The following FRMD4A variants were observed in gnomAD, a reference collection of about 807,000 sequenced individuals.
The protein encoded by FRMD4A is FERM domain-containing protein 4A.
In FRMD4A, 29 loss-of-function variants were observed where a neutral mutation model predicts 129.1. The ratio of observed to expected loss-of-function variants is 0.22; its 90% CI spans 0.17 to 0.31. The LOEUF is 0.31. Among genes scored for constraint, FRMD4A ranks in the 10% least tolerant of loss-of-function variants. FRMD4A has a pLI of 1.00. For synonymous variants in FRMD4A, 634 were observed against 571.6 expected, an observed-to-expected ratio of 1.11 and a Z score of -1.56; for missense variants, 1,272 against 1,375.8, an observed-to-expected ratio of 0.92 and a Z score of 1.19.
At chr10:14,294,311 A>C (rs1589275426) in intron 2 of FRMD4A, among the ~76,000 whole-genome samples, 1 of 152,366 alleles carries the variant, frequency 6.6e-6, no homozygotes, top group East Asian at 1.9e-4. Flanking sequence ...GTTAAAACTC[A>C]AGGTCTCACA....
At chr10:14,179,053 A>T (rs1271200845) in intron 2 of FRMD4A, among the ~76,000 whole-genome samples, 1 of 152,288 alleles carries the variant, frequency 6.6e-6, no homozygotes, top group East Asian at 1.9e-4. Context: ...CTAGACTAGG[A>T]GCACTTGTAA....
At chr10:14,174,534 G>GTTCGTTCATTCA (rs1554776897) in intron 2 of FRMD4A, among the ~76,000 whole-genome samples, 12 of 150,514 alleles carry the variant, frequency 8.0e-5, no homozygotes, top group Admixed American at 2.0e-4. Flanking sequence ...GCGTTTGTTC[G>GTTCGTTCATTCA]TTCATTCATT....
intron 2 of FRMD4A, among the ~76,000 whole-genome samples, chr10:14,093,152 T>G (rs1487554088): frequency 6.6e-6 from 1 of 151,926 alleles, no homozygotes; most frequent in African/African-American, 2.4e-5. Flanking sequence ...CCCAGCAAGG[T>G]GGGTATTTGC....
intron 12 of FRMD4A, among the ~76,000 whole-genome samples, chr10:13,736,727 C>T (rs116871460): frequency 0.012 from 1,860 of 152,290 alleles, 65 homozygotes; most frequent in South Asian, 0.1. Flanking sequence ...CCCAATATTG[C>T]TTTCTCTCTG....
At chr10:14,266,866 G>A (rs1431194827) in intron 2 of FRMD4A, among the ~76,000 whole-genome samples, 1 of 152,166 alleles carries the variant, frequency 6.6e-6, no homozygotes, top group Non-Finnish European at 1.5e-5. Flanking sequence ...AAAATACATA[G>A]AGTAGTCAAT....
At chr10:13,831,568 C>T (rs2093790930) in intron 3 of FRMD4A, among the ~76,000 whole-genome samples, 1 of 152,230 alleles carries the variant, frequency 6.6e-6, no homozygotes, top group Non-Finnish European at 1.5e-5. Context: ...CCAGTAGCTT[C>T]ACTTCCCAGA....
intron 2 of FRMD4A, among the ~76,000 whole-genome samples, chr10:14,013,643 C>T (rs980137268): frequency 7.2e-5 from 11 of 152,150 alleles, no homozygotes; most frequent in Non-Finnish European, 1.5e-5. Flanking sequence ...AAAACCATGG[C>T]CAGCCCAGCC....
chr10:14,309,284 TA>T (rs907390897), intron 2 of FRMD4A, among the ~76,000 whole-genome samples: 1 of 152,074 alleles, frequency 6.6e-6, no homozygotes, highest in African/African-American at 2.4e-5. Flanking sequence ...ACCTCATCTC[TA>T]AAAAAATTTT....
chr10:13,693,663 G>T, intron 15 of FRMD4A: 1 of 645,946 alleles, frequency 1.5e-6, no homozygotes, highest in Non-Finnish European at 2.7e-6. Flanking sequence ...AGGCCTTCTT[G>T]CACTGCGTGG....
At chr10:14,134,248 AATGGATGGATGG>A (rs60021621) in intron 2 of FRMD4A, among the ~76,000 whole-genome samples, 68 of 149,786 alleles carry the variant, frequency 4.5e-4, no homozygotes, top group African/African-American at 1.5e-3. Flanking sequence ...AATTGGAAAG[AATGGATGGATGG>A]ATGGATGGAT....
chr10:14,246,157 A>G (rs1364042151), intron 2 of FRMD4A, among the ~76,000 whole-genome samples: 1 of 152,194 alleles, frequency 6.6e-6, no homozygotes, highest in Non-Finnish European at 1.5e-5. Flanking sequence ...CTCCATGTCA[A>G]TGCTTGGTTT....
intron 5 of FRMD4A, among the ~76,000 whole-genome samples, chr10:13,794,631 G>A (rs1051690741): frequency 5.3e-5 from 8 of 152,144 alleles, no homozygotes; most frequent in African/African-American, 1.9e-4. Context: ...GCTTCCATAG[G>A]AGCTGGAGAA....
At chr10:14,029,115 G>T (rs942991242) in intron 2 of FRMD4A, among the ~76,000 whole-genome samples, 1 of 152,196 alleles carries the variant, frequency 6.6e-6, no homozygotes, top group African/African-American at 2.4e-5. Context: ...ACACTTGTGG[G>T]TATGTTTTTA....
intron 3 of FRMD4A, among the ~76,000 whole-genome samples, chr10:13,816,944 A>G (rs1411221513): frequency 2.0e-5 from 3 of 152,260 alleles, no homozygotes; most frequent in Non-Finnish European, 4.4e-5. Flanking sequence ...AGAGGTCATT[A>G]CATCTAAGAC....
intron 2 of FRMD4A, among the ~76,000 whole-genome samples, chr10:14,237,567 C>T (rs1302883611): frequency 1.3e-5 from 2 of 152,138 alleles, no homozygotes; most frequent in African/African-American, 4.8e-5. Context: ...CTGACCTCAA[C>T]TGATCCACCC....
At chr10:13,692,667 T>C (rs1489649145) in intron 15 of FRMD4A, 1 of 102,800 alleles carries the variant, frequency 9.7e-6, no homozygotes, top group Non-Finnish European at 2.2e-5. Flanking sequence ...CTCCTGGCTA[T>C]GATTGGATCA....
At chr10:14,141,644 C>A (rs1839841567) in intron 2 of FRMD4A, among the ~76,000 whole-genome samples, 1 of 152,090 alleles carries the variant, frequency 6.6e-6, no homozygotes, top group African/African-American at 2.4e-5. Flanking sequence ...ATCTCAGAGG[C>A]CTTTTCCCCT....
At chr10:13,762,179 C>G (rs1273592791) in intron 7 of FRMD4A, among the ~76,000 whole-genome samples, 2 of 152,144 alleles carry the variant, frequency 1.3e-5, no homozygotes, top group Non-Finnish European at 2.9e-5. Context: ...ACTCATCTTG[C>G]CACTATTAAG....
chr10:13,820,141 C>T (rs149572269), intron 3 of FRMD4A, among the ~76,000 whole-genome samples: 2 of 152,234 alleles, frequency 1.3e-5, no homozygotes, highest in Admixed American at 6.5e-5. Context: ...GGTGGGGAAG[C>T]GATTGTCCCC....
Sources: allele counts gnomAD v4.1 joint callset (sites outside exome capture counted in the v4.1 genomes callset), GRCh38; gene constraint gnomAD v4.1.1; transcripts MANE v1.5; gene names NCBI Gene and HGNC (gene_info 2026-07-23, HGNC 2026-07-21).